Variants in RBFOX1 observed in about 807,000 individuals in gnomAD.
RBFOX1 encodes the protein RNA binding fox-1 homolog 1, also known as RNA binding protein fox-1 homolog 1.
In RBFOX1, 8 loss-of-function variants were observed where a neutral mutation model predicts 57.7. The ratio of observed to expected loss-of-function variants is 0.14; its 90% CI spans 0.08 to 0.25. RBFOX1 has a LOEUF of 0.25. Among genes scored for constraint, RBFOX1 ranks in the 10% least tolerant of loss-of-function variants. The probability of loss-of-function intolerance (pLI) is 1.00; values close to 1 mark genes in which losing one functional copy is unlikely to be tolerated. For missense variants in RBFOX1, 611 were observed against 548.5 expected (o/e 1.11, Z -1.14); for synonymous variants, 326 against 222.4 (o/e 1.47, Z -4.15).
At chr16:6,965,487 C>T (rs764214176) in intron 3 of RBFOX1, among the ~76,000 whole-genome samples, 4 of 152,094 alleles carry the variant, frequency 2.6e-5, no homozygotes, top group Non-Finnish European at 4.4e-5. Context: ...CAGGCGTGCG[C>T]CACCATGCCT....
intron 4 of RBFOX1, among the ~76,000 whole-genome samples, chr16:7,225,984 G>C (rs562223028): frequency 6.6e-6 from 1 of 151,440 alleles, no homozygotes; most frequent in Non-Finnish European, 1.5e-5. Context: ...ACCAAATGGC[G>C]ATGCTCTAAG....
chr16:5,667,128 G>A (rs1481193955), intron 3 of RBFOX1, among the ~76,000 whole-genome samples: 1 of 150,836 alleles, frequency 6.6e-6, no homozygotes, highest in Non-Finnish European at 1.5e-5. Context: ...TTGTCTTTAT[G>A]GGTATACCCC....
In RBFOX1 at chr16:7,165,419, C is replaced by A. The variant is rs1003153015; in HGVS notation, c.27+113321C>A. Among the ~76,000 whole-genome samples, 18 of 48,404 alleles carry A rather than the reference C, an allele frequency of 3.7e-4. 1 individual carries two copies. The South Asian group carries it at 6.7e-3, about 18-fold the overall frequency. 31.8% of individuals were successfully genotyped at this position (48,404 alleles called of 152,430 possible). A position where few individuals can be genotyped will look rare whatever the true frequency, so the allele number is the denominator to read the frequency against. ...TAATAATAATAATAATGATAATAATCATTATTATTATTATTATTTTACCAT... is the reference window on the plus strand; with the variant it reads ...TAATAATAATAATAATGATAATAATAATTATTATTATTATTATTTTACCAT... On this transcript the variant is annotated intron_variant, in intron 4 of 15. Transcript: ENST00000550418.
At chr16:6,859,085 C>T (rs1365928520) in intron 3 of RBFOX1, among the ~76,000 whole-genome samples, 1 of 103,312 alleles carries the variant, frequency 9.7e-6, no homozygotes, top group East Asian at 3.1e-4. Context: ...TTAATACCAT[C>T]AGTGTTGTAT....
At chr16:6,080,068 A>T (rs6500747) in intron 1 of RBFOX1, among the ~76,000 whole-genome samples, 2 of 151,890 alleles carry the variant, frequency 1.3e-5, no homozygotes, top group African/African-American at 4.8e-5. Flanking sequence ...AAGAGAGAAG[A>T]GTATGTTTTC....
chr16:7,074,816 C>G (rs2058011379), intron 4 of RBFOX1, among the ~76,000 whole-genome samples: 1 of 152,120 alleles, frequency 6.6e-6, no homozygotes, highest in Non-Finnish European at 1.5e-5. Context: ...GATGCATTTT[C>G]TTTTGGAAAA....
intron 1 of RBFOX1, among the ~76,000 whole-genome samples, chr16:5,381,275 C>G (rs777959978): frequency 3.3e-5 from 5 of 152,234 alleles, no homozygotes; most frequent in Middle Eastern, 3.4e-3. Flanking sequence ...CATATTATGC[C>G]GAGTCTGAAT....
intron 3 of RBFOX1, among the ~76,000 whole-genome samples, chr16:6,866,012 T>C (rs2059850458): frequency 6.6e-6 from 1 of 152,140 alleles, no homozygotes; most frequent in African/African-American, 2.4e-5. Context: ...GGGAGTAATA[T>C]TGGCTAGCAC....
intron 3 of RBFOX1, among the ~76,000 whole-genome samples, chr16:5,744,522 C>G (rs1039987150): frequency 6.6e-6 from 1 of 152,152 alleles, no homozygotes; most frequent in East Asian, 1.9e-4. Context: ...CCAACTCCAC[C>G]TTCAGTGGCT....
chr16:6,515,349 TCAAA>T (rs1211333901), intron 2 of RBFOX1, among the ~76,000 whole-genome samples: 9 of 152,234 alleles, frequency 5.9e-5, no homozygotes, highest in African/African-American at 2.2e-4. Context: ...AGTCTTCTAC[TCAAA>T]CAACCTTCAG....
chr16:6,237,130 A>G (rs561118263), intron 1 of RBFOX1, among the ~76,000 whole-genome samples: 10 of 152,204 alleles, frequency 6.6e-5, no homozygotes, highest in African/African-American at 1.2e-4. Flanking sequence ...ACTTACTAAA[A>G]TCTTACTGGA....
intron 5 of RBFOX1, among the ~76,000 whole-genome samples, chr16:7,527,699 T>A (rs1022041645): frequency 6.6e-6 from 1 of 152,190 alleles, no homozygotes; most frequent in Non-Finnish European, 1.5e-5. Context: ...TTAGAGTTGT[T>A]GTGAAATCCT....
rs71147700 is a variant in RBFOX1, at chr16:7,448,927, GTTTTT to G, written c.28-69205_28-69201del. ...CTTGGTAGACATTTTTCTTTCCCCT[GTTTTT>G]TTTTTTTTTTTTTTGAGATGGAGTT... On this transcript the variant is annotated intron_variant, in intron 4 of 15. Transcript: ENST00000550418. Among the ~76,000 whole-genome samples, 67 of 82,982 alleles carry G rather than the reference GTTTTT, an allele frequency of 8.1e-4. 2 individuals are homozygous for G. The South Asian group carries it at 0.011, about 14-fold the overall frequency. 54.4% of individuals were successfully genotyped at this position (82,982 alleles called of 152,430 possible).
intron 2 of RBFOX1, among the ~76,000 whole-genome samples, chr16:6,388,287 T>A (rs2092409961): frequency 6.6e-6 from 1 of 151,948 alleles, no homozygotes; most frequent in Non-Finnish European, 1.5e-5. Flanking sequence ...ATTTTTAAAA[T>A]GTGTTTGAAC....
At chr16:5,978,013 G>C (rs1185515304) in intron 4 of RBFOX1, among the ~76,000 whole-genome samples, 1 of 151,626 alleles carries the variant, frequency 6.6e-6, no homozygotes, top group East Asian at 2.0e-4. Context: ...GTGAGCAGCT[G>C]TGGATAGCAC....
rs189326254 is a variant in RBFOX1, at chr16:6,899,849, A to G, written c.-15-152208A>G. ...AAGCAGGCAGGAGCATTTCGTTAGT[A>G]AATAATAGTAGGGCCATGTCCAGGT... On this transcript the variant is annotated intron_variant, in intron 3 of 15. Coordinates refer to ENST00000550418, the MANE Select transcript of RBFOX1 (RefSeq NM_018723.4). 2.0e-5 allele frequency among the ~76,000 whole-genome samples: 3 copies of G among 152,322 alleles called. No individual in the cohort carries two copies. In the East Asian group the frequency reaches 5.8e-4, roughly 29 times the overall value.
intron 4 of RBFOX1, among the ~76,000 whole-genome samples, chr16:7,330,327 T>G (rs2144153164): frequency 6.6e-6 from 1 of 152,084 alleles, no homozygotes; most frequent in Non-Finnish European, 1.5e-5. Flanking sequence ...TGTTATACTC[T>G]ATTGTTTAGG....
intron 1 of RBFOX1, among the ~76,000 whole-genome samples, chr16:5,429,332 G>A (rs1001160641): frequency 2.6e-5 from 4 of 152,154 alleles, no homozygotes; most frequent in Admixed American, 1.3e-4. Context: ...GGATTTCTCC[G>A]CACTGGGTTC....
At position 7,052,173 on chromosome 16, in the gene RBFOX1, C is replaced by G. The variant is rs142266105; in HGVS notation, c.27+75C>G. On this transcript the variant is annotated intron_variant, in intron 4 of 15. Coordinates refer to ENST00000550418, the MANE Select transcript of RBFOX1 (RefSeq NM_018723.4). Reference sequence around the variant, plus strand: ...TAAGCAAAAATTTCCTTGTCTCTCCCAAGACACGGGTTCTAAATAACAGGC... The same window carrying G: ...TAAGCAAAAATTTCCTTGTCTCTCCGAAGACACGGGTTCTAAATAACAGGC... 23 of 1,547,074 alleles carry G rather than the reference C, an allele frequency of 1.5e-5. 1 individual carries two copies. The Admixed American group carries it at 2.4e-4, about 16-fold the overall frequency.
Sources: allele counts gnomAD v4.1 joint callset (sites outside exome capture counted in the v4.1 genomes callset), GRCh38; gene constraint gnomAD v4.1.1; transcripts MANE v1.5; gene names NCBI Gene and HGNC (gene_info 2026-07-23, HGNC 2026-07-21).